Variants in PPP1R12A observed in about 807,000 individuals in gnomAD.
The protein encoded by PPP1R12A is protein phosphatase 1 regulatory subunit 12A.
PPP1R12A carries 19 observed loss-of-function variants against 139.6 expected under a neutral mutation model. The ratio of observed to expected loss-of-function variants is 0.14; its 90% CI spans 0.09 to 0.20. The LOEUF (loss-of-function observed/expected upper bound fraction) is 0.20, where lower values mean the gene tolerates loss of function less well. Ranked by LOEUF, PPP1R12A falls within the 10% of genes least tolerant of loss-of-function variation. The pLI is 1.00. For missense variants in PPP1R12A, 925 were observed against 1,211.5 expected (o/e 0.76, Z 3.51); for synonymous variants, 427 against 420.6 (o/e 1.02, Z -0.19).
chr12:79,935,269 G>T (rs558197779), upstream of PPP1R12A: 10 of 1,098,394 alleles, frequency 9.1e-6, no homozygotes, highest in African/African-American at 1.6e-5. Flanking sequence ...GCCCCAGGAA[G>T]AGCGCTCCCG....
At chr12:79,927,309 G>T in intron 1 of PPP1R12A, among the ~76,000 whole-genome samples, 1 of 152,146 alleles carries the variant, frequency 6.6e-6, no homozygotes, top group Admixed American at 6.6e-5. Flanking sequence ...CCTGAAAAAA[G>T]GAGTGTTTCT....
At chr12:79,887,569 T>C (rs142235547) in intron 1 of PPP1R12A, among the ~76,000 whole-genome samples, 6 of 152,278 alleles carry the variant, frequency 3.9e-5, no homozygotes, top group African/African-American at 1.2e-4. Flanking sequence ...ATAAATGTTA[T>C]GCAGGTCTCA....
intron 1 of PPP1R12A, among the ~76,000 whole-genome samples, chr12:79,894,739 T>G (rs1351678892): frequency 2.0e-5 from 3 of 152,190 alleles, no homozygotes; most frequent in African/African-American, 7.2e-5. Flanking sequence ...TAATTTAACT[T>G]TTTTCTATTA....
chr12:79,810,886 T>G (rs1451845141), intron 9 of PPP1R12A, among the ~76,000 whole-genome samples: 1 of 127,766 alleles, frequency 7.8e-6, no homozygotes, highest in Non-Finnish European at 1.6e-5. Flanking sequence ...TTATAATACT[T>G]TTTTTTTTAA....
intron 2 of PPP1R12A, among the ~76,000 whole-genome samples, chr12:79,858,903 A>C (rs1184741836): frequency 6.6e-6 from 1 of 152,194 alleles, no homozygotes; most frequent in Non-Finnish European, 1.5e-5. Context: ...TGCAGCATAA[A>C]TCCACTGATA....
chr12:79,902,442 C>G (rs1238592792), intron 1 of PPP1R12A, among the ~76,000 whole-genome samples: 1 of 151,914 alleles, frequency 6.6e-6, no homozygotes, highest in Non-Finnish European at 1.5e-5. Context: ...ATCTTTGACA[C>G]CTCAAATTGA....
intron 9 of PPP1R12A, 62 bp from the exon 10 acceptor site, chr12:79,810,072 A>G: frequency 8.0e-7 from 1 of 1,247,288 alleles, no homozygotes; most frequent in Non-Finnish European, 1.1e-6. Flanking sequence ...CAGTCCTTAA[A>G]TTGGAAACAA....
chr12:79,874,248 T>C (rs932048190), intron 1 of PPP1R12A, among the ~76,000 whole-genome samples: 1 of 145,762 alleles, frequency 6.9e-6, no homozygotes, highest in Non-Finnish European at 1.5e-5. Flanking sequence ...CCCTCCAGCA[T>C]GGGCAACAGA....
At chr12:79,859,525 C>T (rs531321410) in intron 2 of PPP1R12A, among the ~76,000 whole-genome samples, 20 of 152,058 alleles carry the variant, frequency 1.3e-4, no homozygotes, top group Non-Finnish European at 2.5e-4. Flanking sequence ...ATAAGTAAGT[C>T]GCCACACATA....
rs571895337 is a variant in PPP1R12A, at chr12:79,774,823, A to G, written c.*1106T>C. 1 of 152,662 alleles carries G rather than the reference A, an allele frequency of 6.6e-6. No individual in the cohort carries two copies. Among genetic ancestry groups the G allele is most frequent in the African/African-American group, 2.4e-5 (1 of 41,570 alleles). 9.5% of individuals were successfully genotyped at this position (152,662 alleles called of 1,614,324 possible). On this transcript the variant is annotated 3_prime_UTR_variant, in exon 25 of 25. Transcript: ENST00000450142. ...AGACAGCACTCAGATAAATATAGGT[A>G]TGTGAAATGTAAAGCAATTATCTTA...
intron 23 of PPP1R12A, chr12:79,780,737 G>A (rs1870341259): frequency 6.6e-6 from 1 of 151,990 alleles, no homozygotes; most frequent in African/African-American, 2.4e-5. Context: ...TATTCTAACA[G>A]GATATAATAA....
At chr12:79,893,273 C>T (rs1050655616) in intron 1 of PPP1R12A, among the ~76,000 whole-genome samples, 1 of 152,090 alleles carries the variant, frequency 6.6e-6, no homozygotes, top group Admixed American at 6.5e-5. Context: ...CTTCTCCAGC[C>T]TATGTTAATG....
chr12:79,819,462 A>G (rs922571566), intron 8 of PPP1R12A: 1 of 152,222 alleles, frequency 6.6e-6, no homozygotes. Context: ...TTTGAAAGAG[A>G]TGCCTGGACT....
chr12:79,848,004 T>C (rs960659994), intron 2 of PPP1R12A, among the ~76,000 whole-genome samples: 8 of 152,142 alleles, frequency 5.3e-5, no homozygotes, highest in African/African-American at 1.9e-4. Flanking sequence ...GGAAGAGAGA[T>C]TTGTATTGGT....
chr12:79,930,221 A>G (rs1888148064), intron 1 of PPP1R12A, among the ~76,000 whole-genome samples: 1 of 152,218 alleles, frequency 6.6e-6, no homozygotes, highest in Non-Finnish European at 1.5e-5. Flanking sequence ...AGGCATGGCT[A>G]AAGGCATGGA....
intron 1 of PPP1R12A, among the ~76,000 whole-genome samples, chr12:79,925,945 G>C (rs962693419): frequency 1.8e-4 from 28 of 151,732 alleles, no homozygotes; most frequent in African/African-American, 6.8e-4. Context: ...TCTCTTTATT[G>C]GTAGAGACAC....
At chr12:79,913,088 A>AT (rs927924130) in intron 1 of PPP1R12A, among the ~76,000 whole-genome samples, 4 of 152,200 alleles carry the variant, frequency 2.6e-5, no homozygotes, top group Non-Finnish European at 5.9e-5. Context: ...CTTAATTTGC[A>AT]TTTCTCTGGT....
At position 79,826,415 on chromosome 12, in the gene PPP1R12A, T is replaced by C. The variant is rs1185159689; in HGVS notation, c.792+1905A>G. Among the ~76,000 whole-genome samples, 3 of 143,560 alleles carry C rather than the reference T, an allele frequency of 2.1e-5. No homozygotes were observed. In the Admixed American group the frequency reaches 2.2e-4, roughly 10 times the overall value. The allele number at this position is 143,560 out of a possible 152,430, so 94.2% of individuals were successfully genotyped here. The stretch of plus-strand genomic sequence containing the variant: ...GTGCAGTGCCACAACCATGACTCAC[T>C]GCAGCCTTGAACTCCTGGACTCAAG... On this transcript the variant is annotated intron_variant, in intron 5 of 24. Transcript: ENST00000450142.
At chr12:79,808,308 T>C (rs1464500663) in intron 11 of PPP1R12A, among the ~76,000 whole-genome samples, 175 bp downstream of exon 11, 1 of 152,150 alleles carries the variant, frequency 6.6e-6, no homozygotes, top group African/African-American at 2.4e-5. Flanking sequence ...TTCATGAACA[T>C]ACCAAGCCTG....
Sources: allele counts gnomAD v4.1 joint callset (sites outside exome capture counted in the v4.1 genomes callset), GRCh38; gene constraint gnomAD v4.1.1; transcripts MANE v1.5; gene names NCBI Gene and HGNC (gene_info 2026-07-23, HGNC 2026-07-21).